Variants in CACNB4 observed in about 807,000 individuals in gnomAD.
CACNB4 encodes voltage-dependent L-type calcium channel subunit beta-4.
In CACNB4, 32 loss-of-function variants were observed where a neutral mutation model predicts 71.2. The observed-to-expected ratio is 0.45, with a 90% CI of 0.34 to 0.60. CACNB4 has a LOEUF of 0.60. CACNB4 is among the 20% of genes least tolerant of loss of function. The pLI, the probability that CACNB4 is intolerant of heterozygous loss-of-function variation, is 0.01. For synonymous variants in CACNB4, 231 were observed against 236.9 expected (o/e 0.97, Z 0.23); for missense variants, 464 against 647.9 (o/e 0.72, Z 3.08).
chr2:151,869,345 G>A (rs2099844010), intron 8 of CACNB4, 110 bp from the exon 9 acceptor site: 1 of 645,240 alleles, frequency 1.5e-6, no homozygotes, highest in Admixed American at 2.6e-5. Context: ...AGACCTTATT[G>A]TAGCCATTCG....
chr2:152,065,673 C>T (rs564703820), intron 2 of CACNB4, among the ~76,000 whole-genome samples: 1 of 152,296 alleles, frequency 6.6e-6, no homozygotes, highest in South Asian at 2.1e-4. Flanking sequence ...CATTGATTCT[C>T]TCTCTTCTAC....
chr2:152,073,410 T>C (rs1416366961), intron 2 of CACNB4, among the ~76,000 whole-genome samples: 1 of 152,172 alleles, frequency 6.6e-6, no homozygotes, highest in Non-Finnish European at 1.5e-5. Flanking sequence ...AAGTGAATGC[T>C]TTAGCTCAAT....
chr2:152,012,229 C>T (rs534294236), intron 2 of CACNB4, among the ~76,000 whole-genome samples: 7 of 152,070 alleles, frequency 4.6e-5, no homozygotes, highest in East Asian at 1.9e-4. Flanking sequence ...CCTTCCAGTG[C>T]GAAAAGATGT....
chr2:152,033,489 T>A (rs1279462618), intron 2 of CACNB4, among the ~76,000 whole-genome samples: 1 of 152,182 alleles, frequency 6.6e-6, no homozygotes, highest in Non-Finnish European at 1.5e-5. Flanking sequence ...CAGCTGCCTT[T>A]CTAGCACGTG....
intron 2 of CACNB4, among the ~76,000 whole-genome samples, chr2:152,028,759 A>G (rs762802397): frequency 1.3e-5 from 2 of 152,202 alleles, no homozygotes; most frequent in African/African-American, 2.4e-5. Context: ...CCTTGCATAC[A>G]GTGTTTAAAA....
At chr2:151,937,831 G>A (rs940890633) in intron 2 of CACNB4, among the ~76,000 whole-genome samples, 3 of 152,144 alleles carry the variant, frequency 2.0e-5, no homozygotes, top group Non-Finnish European at 4.4e-5. Context: ...CAAGGTTAGA[G>A]GGCACTTTAG....
intron 2 of CACNB4, among the ~76,000 whole-genome samples, chr2:151,914,647 G>T (rs1326126583): frequency 6.6e-6 from 1 of 152,150 alleles, no homozygotes; most frequent in East Asian, 1.9e-4. Context: ...CCTTGGATGG[G>T]TTTTTTGTGG....
intron 2 of CACNB4, among the ~76,000 whole-genome samples, chr2:152,094,420 T>C (rs1688151884): frequency 6.6e-6 from 1 of 152,212 alleles, no homozygotes; most frequent in Non-Finnish European, 1.5e-5. Flanking sequence ...GGTATGACTT[T>C]GCTGGCCTCA....
intron 2 of CACNB4, among the ~76,000 whole-genome samples, chr2:152,042,198 A>G (rs1051251998): frequency 9.9e-5 from 15 of 152,186 alleles, no homozygotes; most frequent in African/African-American, 3.4e-4. Flanking sequence ...AGAAAGCCAT[A>G]ATGCCATTTT....
intron 5 of CACNB4, chr2:151,872,894 A>G (rs2099845002): frequency 6.3e-6 from 1 of 159,654 alleles, no homozygotes; most frequent in African/African-American, 2.4e-5. Context: ...TGTGGGCATC[A>G]GAATTAAGAA....
intron 2 of CACNB4, among the ~76,000 whole-genome samples, chr2:151,961,198 C>T (rs2099869563): frequency 6.6e-6 from 1 of 152,186 alleles, no homozygotes; most frequent in Admixed American, 6.5e-5. Flanking sequence ...GGAATCACAA[C>T]GTGATGACAT....
At chr2:151,881,614 G>T (rs2099847878) in intron 3 of CACNB4, among the ~76,000 whole-genome samples, 1 of 152,214 alleles carries the variant, frequency 6.6e-6, no homozygotes, top group African/African-American at 2.4e-5. Context: ...GACCACACTG[G>T]TCACAAAACA....
At chr2:151,932,845 G>T (rs939544481) in intron 2 of CACNB4, among the ~76,000 whole-genome samples, 3 of 139,766 alleles carry the variant, frequency 2.1e-5, no homozygotes, top group South Asian at 4.4e-4. Flanking sequence ...AAAAAAAAAA[G>T]GTGGGGGGTT....
chr2:151,907,323 A>G (rs1297322801), intron 2 of CACNB4, among the ~76,000 whole-genome samples: 1 of 152,234 alleles, frequency 6.6e-6, no homozygotes, highest in East Asian at 1.9e-4. Flanking sequence ...TTAATATACT[A>G]ACCAGTAAAG....
intron 2 of CACNB4, among the ~76,000 whole-genome samples, chr2:151,946,193 G>T (rs1388475919): frequency 1.3e-5 from 2 of 152,120 alleles, no homozygotes; most frequent in South Asian, 4.1e-4. Flanking sequence ...GCCAGGCATG[G>T]TGGTGGGTGG....
chr2:151,880,704 G>A lies in CACNB4; in HGVS notation c.390+96C>T. On this transcript the variant is annotated intron_variant, in intron 4 of 13. Transcript: ENST00000539935. ...AATTAAATCATGTACTGCACTGGCA[G>A]CTCCTTGGGTCTCCTCTCTGGCTAG... is the stretch of plus-strand genomic sequence containing the variant. The A allele has an allele frequency of 3.0e-6, 4 of 1,319,604 alleles. No individual in the cohort carries two copies. In the South Asian group the frequency reaches 3.9e-5, roughly 13 times the overall value. The allele number at this position is 1,319,604 out of a possible 1,614,324, so 81.7% of individuals were successfully genotyped here. A position where few individuals can be genotyped will look rare whatever the true frequency, so the allele number is the denominator to read the frequency against.
intron 2 of CACNB4, among the ~76,000 whole-genome samples, chr2:151,993,762 A>AC (rs1349905944): frequency 1.1e-4 from 17 of 151,450 alleles, no homozygotes; most frequent in African/African-American, 4.1e-4. Context: ...ACGGGGTTTC[A>AC]CCATGTTGGT....
At chr2:151,945,866 C>T (rs1379549769) in intron 2 of CACNB4, among the ~76,000 whole-genome samples, 1 of 102,450 alleles carries the variant, frequency 9.8e-6, no homozygotes, top group Admixed American at 1.0e-4. Context: ...AGCAAGATGA[C>T]CCTGTCTTTA....
chr2:152,099,089 G>T (rs1688451771), upstream of CACNB4: 1 of 944,456 alleles, frequency 1.1e-6, no homozygotes, highest in Non-Finnish European at 1.5e-6. Flanking sequence ...TGCGGACGGA[G>T]GGGGAGGGCG....
Sources: gnomAD v4.1 joint callset for allele counts (sites outside exome capture counted in the v4.1 genomes callset) on GRCh38, gnomAD v4.1.1 for gene constraint, MANE v1.5 for transcripts, NCBI Gene and HGNC (gene_info 2026-07-23, HGNC 2026-07-21) for gene names.